The following MSN variants were observed in gnomAD, a reference collection of about 807,000 sequenced individuals.
MSN encodes epididymis luminal protein 70.
Under a neutral mutation model 48.0 loss-of-function variants are expected in MSN, and 2 were observed. The observed-to-expected ratio is 0.04, with a 90% confidence interval of 0.02 to 0.13. The LOEUF (loss-of-function observed/expected upper bound fraction) is 0.13, where lower values mean the gene tolerates loss of function less well. Among genes scored for constraint, MSN ranks in the 10% least tolerant of loss-of-function variants. MSN has a pLI of 1.00. For synonymous variants in MSN, 146 were observed against 166.9 expected, an observed-to-expected ratio of 0.87 and a Z score of 0.97; for missense variants, 267 against 470.1, an observed-to-expected ratio of 0.57 and a Z score of 3.99.
At chrX:65,651,561 T>TTTATTATTATTATTATTATTA (rs35256397) in intron 1 of MSN, among the ~76,000 whole-genome samples, 3 of 94,529 alleles carry the variant, frequency 3.2e-5, no homozygotes, top group African/African-American at 1.2e-4. Flanking sequence ...AGAAGTAATA[T>TTTATTATTATTATTATTATTA]TTATTATTAT....
At position 65,683,393 on chromosome X, in the gene MSN, G is replaced by GCCGCCA. The variant is rs1170159142; in HGVS notation, c.12+15542_12+15543insGCCACC. Among the ~76,000 whole-genome samples, 142 of 91,306 alleles carry GCCGCCA rather than the reference G, an allele frequency of 1.6e-3. 1 individual carries two copies. Among genetic ancestry groups the GCCGCCA allele is most frequent in the African/African-American group, 5.8e-3 (132 of 22,955 alleles). 79.3% of individuals were successfully genotyped at this position (91,306 alleles called of 115,157 possible). ...TGCTATTGCTACTGTTGCCGCCGCCGCCACCACCACCACCACCACCACCAC... is the reference window on the plus strand; with the variant it reads ...TGCTATTGCTACTGTTGCCGCCGCCGCCGCCACCACCACCACCACCACCACCACCAC... On this transcript the variant is annotated intron_variant, in intron 1 of 12. Coordinates refer to ENST00000360270, the MANE Select transcript of MSN (RefSeq NM_002444.3).
intron 12 of MSN, 53 bp downstream of exon 12, chrX:65,739,247 C>T: frequency 1.9e-6 from 2 of 1,066,228 alleles, no homozygotes; most frequent in Non-Finnish European, 2.6e-6. Flanking sequence ...ATTTAGTAGC[C>T]CATGGCATTC....
chrX:65,599,004 C>T (rs935730628), intron 1 of MSN, among the ~76,000 whole-genome samples: 3 of 111,514 alleles, frequency 2.7e-5, no homozygotes, highest in Non-Finnish European at 3.8e-5. Context: ...ATTTTAGTTG[C>T]GGCTGGGCAT....
intron 1 of MSN, among the ~76,000 whole-genome samples, chrX:65,687,438 G>A (rs1248664362): frequency 8.9e-6 from 1 of 112,175 alleles, no homozygotes; most frequent in African/African-American, 3.2e-5. Flanking sequence ...TGTGAGCTCA[G>A]GGAATACAGG....
chrX:65,667,666 G>T lies in MSN; in HGVS notation c.-176G>T, dbSNP rs2070887033. ...GCGCGACAGGGGCGGCTCTTTCCTG[G>T]GTGGGGTTTGTGAAGTCGTGGCCCG... On this transcript the variant is annotated 5_prime_UTR_variant, in exon 1 of 13. Transcript: ENST00000360270. 15 of 1,067,186 alleles carry T rather than the reference G, an allele frequency of 1.4e-5. No homozygotes were observed. The highest frequency in any genetic ancestry group is 1.7e-5 in the Non-Finnish European group (14 of 818,522). 87.9% of individuals were successfully genotyped at this position (1,067,186 alleles called of 1,213,427 possible).
intron 1 of MSN, among the ~76,000 whole-genome samples, chrX:65,611,548 C>G (rs1032605593): frequency 1.8e-5 from 2 of 111,784 alleles, no homozygotes; most frequent in African/African-American, 6.5e-5. Context: ...AAATTTCCTT[C>G]CCTTGTAAGG....
At chrX:65,650,526 G>C (rs1465873635) in intron 1 of MSN, among the ~76,000 whole-genome samples, 1 of 112,359 alleles carries the variant, frequency 8.9e-6, no homozygotes, top group Admixed American at 9.4e-5. Context: ...CCACATTAAG[G>C]GGCATTATGG....
At chrX:65,719,968 G>A (rs2071501400) in intron 2 of MSN, among the ~76,000 whole-genome samples, 1 of 111,500 alleles carries the variant, frequency 9.0e-6, no homozygotes, top group African/African-American at 3.3e-5. Context: ...GTGGATTTGA[G>A]GGAAGTCCAG....
At position 65,592,062 on chromosome X, in the gene MSN, G is replaced by A. The variant is rs7053565; in HGVS notation, c.-22+3450G>A. On this transcript the variant is annotated intron_variant, in intron 1 of 3. Transcript: ENST00000609672. Reference sequence around the variant, plus strand: ...TAGCCAGATTGTAGCATTGCTCCCCGTACTGCTCCTGGGACAAATGCTCCT... The same window carrying A: ...TAGCCAGATTGTAGCATTGCTCCCCATACTGCTCCTGGGACAAATGCTCCT... 2.4e-3 allele frequency among the ~76,000 whole-genome samples: 258 copies of A among 108,994 alleles called. 3 individuals carry two copies. The highest frequency in any genetic ancestry group is 8.1e-3 in the African/African-American group (241 of 29,681). 94.6% of individuals were successfully genotyped at this position (108,994 alleles called of 115,157 possible). A position where few individuals can be genotyped will look rare whatever the true frequency, so the allele number is the denominator to read the frequency against.
chrX:65,658,309 A>C (rs2148378140), intron 1 of MSN, among the ~76,000 whole-genome samples: 1 of 111,752 alleles, frequency 8.9e-6, no homozygotes, highest in African/African-American at 3.2e-5. Flanking sequence ...CAGGGGAAGA[A>C]AAAGAGAGAG....
intron 1 of MSN, among the ~76,000 whole-genome samples, chrX:65,640,979 C>T (rs1335095280): frequency 9.1e-6 from 1 of 109,414 alleles, no homozygotes. Flanking sequence ...CGTGGTGGCT[C>T]ATGCCTGTAA....
chrX:65,616,713 G>A (rs1195532906), intron 1 of MSN, among the ~76,000 whole-genome samples: 5 of 101,189 alleles, frequency 4.9e-5, no homozygotes, highest in South Asian at 4.8e-4. Flanking sequence ...TCTCCTGCCT[G>A]ATTGCCCTGG....
At chrX:65,706,288 C>T (rs1164273801) in intron 1 of MSN, among the ~76,000 whole-genome samples, 1 of 111,619 alleles carries the variant, frequency 9.0e-6, no homozygotes, top group East Asian at 2.8e-4. Context: ...GTTTAGCTTC[C>T]GACCTGATGA....
At chrX:65,684,385 T>A (rs2071090240) in intron 1 of MSN, among the ~76,000 whole-genome samples, 1 of 112,194 alleles carries the variant, frequency 8.9e-6, no homozygotes, top group African/African-American at 3.2e-5. Context: ...CAGGGGCTCA[T>A]TAATAAGCAA....
intron 1 of MSN, among the ~76,000 whole-genome samples, chrX:65,638,878 C>T (rs2070627024): frequency 8.9e-6 from 1 of 112,196 alleles, no homozygotes; most frequent in African/African-American, 3.2e-5. Flanking sequence ...ATGAATCCAC[C>T]TTTGCCATTT....
chrX:65,630,118 G>A (rs978744760), intron 1 of MSN, among the ~76,000 whole-genome samples: 14 of 110,224 alleles, frequency 1.3e-4, no homozygotes, highest in African/African-American at 4.3e-4. Flanking sequence ...GGCGGGGGCT[G>A]CAGTGAGCCA....
Position 65,667,718 on chromosome X carries a change from G to A in MSN, c.-124G>A. On this transcript the variant is annotated 5_prime_UTR_variant, in exon 1 of 13. Coordinates refer to ENST00000360270, the MANE Select transcript of MSN (RefSeq NM_002444.3). The stretch of plus-strand genomic sequence containing the variant: ...TAGCAGGAAGCCTAACAGTCGCCCC[G>A]ACGCTAGTGAGGGACCCAATCTGAG... 2 of 1,134,435 alleles carry A rather than the reference G, an allele frequency of 1.8e-6. No homozygotes were observed. Among genetic ancestry groups the A allele is most frequent in the East Asian group, 3.3e-5 (1 of 30,602 alleles). 93.5% of individuals were successfully genotyped at this position (1,134,435 alleles called of 1,213,427 possible). A position where few individuals can be genotyped will look rare whatever the true frequency, so the allele number is the denominator to read the frequency against.
chrX:65,660,377 G>A (rs1267024988), intron 1 of MSN, among the ~76,000 whole-genome samples: 1 of 111,650 alleles, frequency 9.0e-6, no homozygotes, highest in Non-Finnish European at 1.9e-5. Context: ...AGATCTAGGA[G>A]CCTTTGGGCA....
At chrX:65,722,687 T>C (rs2071530143) in intron 2 of MSN, among the ~76,000 whole-genome samples, 1 of 110,714 alleles carries the variant, frequency 9.0e-6, no homozygotes, top group African/African-American at 3.3e-5. Context: ...CCCAAAATGC[T>C]GGGATTACAG....
Sources: allele counts gnomAD v4.1 joint callset (sites outside exome capture counted in the v4.1 genomes callset), GRCh38; gene constraint gnomAD v4.1.1; transcripts MANE v1.5; gene names NCBI Gene and HGNC (gene_info 2026-07-23, HGNC 2026-07-21).